MSRA: variants seen among roughly 807,000 people sequenced by gnomAD.
MSRA encodes the protein mitochondrial peptide methionine sulfoxide reductase.
In MSRA, 54 loss-of-function variants were observed where a neutral mutation model predicts 31.3. The ratio of observed to expected loss-of-function variants is 1.73; its 90% CI spans 1.39 to 2.17. MSRA has a LOEUF of 2.17. MSRA is among the 30% of genes most tolerant of loss of function. The pLI is 0.00. For synonymous variants in MSRA, 169 were observed against 116.5 expected, an observed-to-expected ratio of 1.45 and a Z score of -2.90; for missense variants, 507 against 300.9, an observed-to-expected ratio of 1.69 and a Z score of -5.07.
intron 5 of MSRA, among the ~76,000 whole-genome samples, chr8:10,378,427 T>C (rs1413454540): frequency 6.6e-6 from 1 of 152,184 alleles, no homozygotes; most frequent in Non-Finnish European, 1.5e-5. Context: ...GCTAATCCCC[T>C]GGTGATAATT....
chr8:10,095,568 G>C (rs1799095065), intron 1 of MSRA: 1 of 985,808 alleles, frequency 1.0e-6, no homozygotes. Flanking sequence ...GAGAGAGAAA[G>C]AGGGAGAGAG....
chr8:10,150,708 C>G (rs1003639212), intron 1 of MSRA, among the ~76,000 whole-genome samples: 1 of 152,080 alleles, frequency 6.6e-6, no homozygotes, highest in Non-Finnish European at 1.5e-5. Context: ...TGAAAACAGC[C>G]GGCCTGTTCT....
At chr8:10,122,013 C>G (rs1170265626) in intron 1 of MSRA, among the ~76,000 whole-genome samples, 1 of 152,044 alleles carries the variant, frequency 6.6e-6, no homozygotes, top group Non-Finnish European at 1.5e-5. Context: ...TGGGGTTGTG[C>G]CTTTGGCCAC....
Position 10,293,216 on chromosome 8 carries a change from A to G in MSRA, c.332-8318A>G, listed in dbSNP as rs538637060. 2.6e-5 allele frequency among the ~76,000 whole-genome samples: 4 copies of G among 152,178 alleles called. No individual in the cohort carries two copies. The East Asian group carries it at 7.8e-4, about 29-fold the overall frequency. ...AGTCTGAGGTTCCTGTCCCTATAGGATTGCATCAGGGGTGCGCCATCCCTA... is the reference window on the plus strand; with the variant it reads ...AGTCTGAGGTTCCTGTCCCTATAGGGTTGCATCAGGGGTGCGCCATCCCTA... On this transcript the variant is annotated intron_variant, in intron 3 of 5. Transcript: ENST00000317173.
intron 3 of MSRA, among the ~76,000 whole-genome samples, chr8:10,286,308 T>C (rs1247294947): frequency 6.6e-6 from 1 of 152,168 alleles, no homozygotes; most frequent in East Asian, 1.9e-4. Flanking sequence ...TGGGAGGTAA[T>C]TGAATCATGG....
chr8:10,273,626 C>T (rs1335236392), intron 3 of MSRA, among the ~76,000 whole-genome samples: 2 of 152,090 alleles, frequency 1.3e-5, no homozygotes, highest in South Asian at 4.1e-4. Flanking sequence ...TGCAACCTCC[C>T]ACCATCTCAC....
intron 1 of MSRA, among the ~76,000 whole-genome samples, chr8:10,106,788 T>C (rs75652105): frequency 0.097 from 14,701 of 152,114 alleles, 978 homozygotes; most frequent in Middle Eastern, 0.14. Context: ...GAATGTGTCC[T>C]TAGGTCATTC....
At chr8:10,384,938 G>T (rs1427572610) in intron 5 of MSRA, among the ~76,000 whole-genome samples, 1 of 152,068 alleles carries the variant, frequency 6.6e-6, no homozygotes, top group Non-Finnish European at 1.5e-5. Context: ...GGAGGTTGAG[G>T]CTACAGTAAG....
chr8:10,282,903 G>T (rs989066346), intron 3 of MSRA, among the ~76,000 whole-genome samples: 3 of 152,092 alleles, frequency 2.0e-5, no homozygotes, highest in African/African-American at 7.2e-5. Context: ...AGATTTGCAT[G>T]TAATTAGCCT....
chr8:10,346,596 G>C (rs970248744), intron 5 of MSRA, among the ~76,000 whole-genome samples: 8 of 152,220 alleles, frequency 5.3e-5, no homozygotes, highest in Non-Finnish European at 1.0e-4. Context: ...GCGGAAGAGA[G>C]AAAGCTCCAG....
chr8:10,120,795 G>T (rs539194614), intron 1 of MSRA, among the ~76,000 whole-genome samples: 1 of 152,170 alleles, frequency 6.6e-6, no homozygotes, highest in African/African-American at 2.4e-5. Context: ...CTCTCCAAAC[G>T]CTGTGGCTGC....
At chr8:10,335,951 C>T (rs1803013388) in intron 5 of MSRA, among the ~76,000 whole-genome samples, 1 of 152,172 alleles carries the variant, frequency 6.6e-6, no homozygotes. Flanking sequence ...CACACTCCCG[C>T]TCCCTGATTC....
intron 2 of MSRA, among the ~76,000 whole-genome samples, chr8:10,222,839 A>T (rs541765141): frequency 6.6e-6 from 1 of 152,202 alleles, no homozygotes; most frequent in Non-Finnish European, 1.5e-5. Context: ...GGCTGGAGAG[A>T]TGTTGGTCGA....
At chr8:10,355,814 C>G (rs1194414255) in intron 5 of MSRA, among the ~76,000 whole-genome samples, 3 of 152,106 alleles carry the variant, frequency 2.0e-5, no homozygotes, top group Admixed American at 6.5e-5. Flanking sequence ...GCCCAGCCCT[C>G]AGGGGACTGA....
At chr8:10,228,589 G>A (rs757472368) in intron 2 of MSRA, among the ~76,000 whole-genome samples, 5 of 152,196 alleles carry the variant, frequency 3.3e-5, no homozygotes, top group Admixed American at 6.5e-5. Context: ...GCAGGCATCC[G>A]TAGTGGTCCA....
intron 5 of MSRA, among the ~76,000 whole-genome samples, chr8:10,358,565 CTTTTTTTTTTTTTTTTTTTTTTTTTTTT>C (rs59106668): frequency 2.5e-3 from 157 of 63,994 alleles, no homozygotes; most frequent in Non-Finnish European, 3.2e-3. Flanking sequence ...GCATTAGATT[CTTTTTTTTTTTTTTTTTTTTTTTTTTTT>C]TTTTTTTTTT....
Position 10,340,174 on chromosome 8 carries a change from G to A in MSRA, c.543+20185G>A, listed in dbSNP as rs564622963. On this transcript the variant is annotated intron_variant, in intron 5 of 5. Transcript: ENST00000317173. ...CAGCCGCCCATTCCCAGCAGAGCTC[G>A]GAGACCACAGTGACACACCTGCCCA... Among the ~76,000 whole-genome samples the A allele has an allele frequency of 5.3e-5, 8 of 152,204 alleles. No individual in the cohort carries two copies. In the South Asian group the frequency reaches 8.3e-4, roughly 16 times the overall value.
At chr8:10,125,786 G>A (rs541711658) in intron 1 of MSRA, among the ~76,000 whole-genome samples, 42 of 152,328 alleles carry the variant, frequency 2.8e-4, no homozygotes, top group African/African-American at 1.0e-3. Flanking sequence ...CTTAACCATT[G>A]CTATCATTTG....
intron 3 of MSRA, among the ~76,000 whole-genome samples, chr8:10,259,478 G>A (rs939825277): frequency 2.6e-5 from 4 of 152,028 alleles, no homozygotes; most frequent in African/African-American, 7.3e-5. Flanking sequence ...GTAGGGACCC[G>A]TGACATTCTC....
Sources: gnomAD v4.1 joint callset for allele counts (sites outside exome capture counted in the v4.1 genomes callset) on GRCh38, gnomAD v4.1.1 for gene constraint, MANE v1.5 for transcripts, NCBI Gene and HGNC (gene_info 2026-07-23, HGNC 2026-07-21) for gene names.